ECE1: variants seen among roughly 807,000 people sequenced by gnomAD.
ECE1 encodes the protein endothelin-converting enzyme 1.
A neutral mutation model predicts 98.6 loss-of-function variants in ECE1; 35 were observed. The ratio of observed to expected loss-of-function variants is 0.35; its 90% confidence interval spans 0.27 to 0.47. ECE1 has a LOEUF of 0.47. ECE1 is among the 20% of genes least tolerant of loss of function. The pLI is 1.00. For synonymous variants in ECE1, 394 were observed against 407.1 expected (o/e 0.97, Z 0.39); for missense variants, 814 against 1,025.3 (o/e 0.79, Z 2.81).
Position 21,345,239 on chromosome 1 carries a change from C to A in ECE1, c.3+137G>T. 1 of 1,128,652 alleles carries A rather than the reference C, an allele frequency of 8.9e-7. No individual in the cohort carries two copies. 69.9% of individuals were successfully genotyped at this position (1,128,652 alleles called of 1,614,324 possible). A position where few individuals can be genotyped will look rare whatever the true frequency, so the allele number is the denominator to read the frequency against. On this transcript the variant is annotated intron_variant, in intron 1 of 18. Coordinates refer to the ECE1 transcript ENST00000415912. The surrounding 1 kb of genome is among the most constrained non-coding windows in gnomAD (Gnocchi z 5.1). ...TCCCCGACTCCACGCCTTCCGAGAG[C>A]CGGGCGGGGGCTGCTGCTGCAGCCG...
At chr1:21,338,811 G>T (rs1033545511) in intron 1 of ECE1, among the ~76,000 whole-genome samples, 22 of 152,234 alleles carry the variant, frequency 1.4e-4, no homozygotes, top group African/African-American at 5.3e-4. Context: ...AGGGAGTCAG[G>T]CAGGGAGGTG....
chr1:21,279,494 A>G, intron 2 of ECE1, 162 bp from the exon 3 acceptor site: 1 of 1,495,044 alleles, frequency 6.7e-7, no homozygotes, highest in Non-Finnish European at 9.0e-7. Context: ...CTAATCCAGG[A>G]AAGGAACAGC....
intron 17 of ECE1, chr1:21,222,172 A>G (rs1056252431): frequency 7.8e-6 from 3 of 386,222 alleles, no homozygotes; most frequent in South Asian, 4.5e-5. Context: ...GTGTGTGTGC[A>G]TGCACACACA....
At chr1:21,239,785 C>CA (rs1274634527) in intron 10 of ECE1, among the ~76,000 whole-genome samples, 1 of 142,756 alleles carries the variant, frequency 7.0e-6, no homozygotes, top group South Asian at 2.2e-4. Context: ...TTTTTTCTTT[C>CA]TTTTTTTTTT....
intron 1 of ECE1, among the ~76,000 whole-genome samples, chr1:21,301,770 G>C (rs954017170): frequency 6.9e-6 from 1 of 144,096 alleles, no homozygotes; most frequent in African/African-American, 2.6e-5. Flanking sequence ...AGGTTGCCGT[G>C]AGCCGAGATT....
intron 1 of ECE1, among the ~76,000 whole-genome samples, chr1:21,323,803 G>A (rs1367014706): frequency 6.7e-6 from 1 of 149,414 alleles, no homozygotes; most frequent in Non-Finnish European, 1.5e-5. Context: ...AATGGGAGAT[G>A]GGGGCAATTT....
chr1:21,230,371 T>C (rs1332527632), intron 14 of ECE1, among the ~76,000 whole-genome samples: 1 of 152,138 alleles, frequency 6.6e-6, no homozygotes, highest in Non-Finnish European at 1.5e-5. Context: ...AATTCCTATG[T>C]GAGGCAAGAA....
At position 21,290,140 on chromosome 1, in the gene ECE1, C is replaced by T; in HGVS notation, c.68G>A (p.Arg23Gln). ...LSALGMSTYK[R>Q]ATLDEEDLVD... is the part of the protein sequence containing the mutation. Reference sequence around the variant, plus strand: ...CAGGTCCTCCTCGTCCAGCGTGGCCCGCTTGTACGTCGACATCTGCAAGGC... The same window carrying T: ...CAGGTCCTCCTCGTCCAGCGTGGCCTGCTTGTACGTCGACATCTGCAAGGC... The change falls in exon 2 of 19, where the codon CGG (arginine) becomes CAG (glutamine). Residue 23 changes from arginine to glutamine, a missense_variant. By Grantham distance (43) the Arg-to-Gln change is conservative. This residue lies in a region of ECE1 where 257 missense variants were observed against 278.9 expected (regional missense o/e 0.92). Transcript: ENST00000374893. This position sits in a 1 kb window ranked among gnomAD's most constrained non-coding sequence, Gnocchi z 7.3. 1 of 1,562,828 alleles carries T rather than the reference C, an allele frequency of 6.4e-7. No homozygotes were observed. Among genetic ancestry groups the T allele is most frequent in the South Asian group, 1.2e-5 (1 of 85,168 alleles).
intron 17 of ECE1, 65 bp from the exon 18 acceptor site, chr1:21,221,907 T>A (rs2098167944): frequency 2.1e-6 from 3 of 1,457,332 alleles, no homozygotes; most frequent in Non-Finnish European, 2.9e-6. Flanking sequence ...GGGACTGGTA[T>A]GGAGGTCTCA....
intron 1 of ECE1, among the ~76,000 whole-genome samples, chr1:21,344,585 A>G (rs1283408004): frequency 6.6e-6 from 1 of 151,488 alleles, no homozygotes. Context: ...CCCCCCCAGG[A>G]AGCCCAGCCT....
At chr1:21,286,409 C>T (rs2098260605) in intron 2 of ECE1, among the ~76,000 whole-genome samples, 1 of 152,158 alleles carries the variant, frequency 6.6e-6, no homozygotes. Flanking sequence ...AAATGCTTTC[C>T]CTCATACTGT....
intron 2 of ECE1, among the ~76,000 whole-genome samples, chr1:21,286,632 G>C (rs1232141776): frequency 6.6e-6 from 1 of 152,094 alleles, no homozygotes; most frequent in African/African-American, 2.4e-5. Context: ...CTAAAATATG[G>C]GATAAAGAAA....
chr1:21,245,188 C>T, intron 9 of ECE1, 85 bp from the exon 10 acceptor site: 1 of 1,253,786 alleles, frequency 8.0e-7, no homozygotes, highest in Non-Finnish European at 1.1e-6. Context: ...CTAGGGGGCT[C>T]TCAAACTTGG....
chr1:21,301,854 A>G (rs77719949), intron 1 of ECE1, among the ~76,000 whole-genome samples: 1 of 145,426 alleles, frequency 6.9e-6, no homozygotes, highest in Admixed American at 6.9e-5. Context: ...AAAAAAAAAA[A>G]GGCCAATTCA....
In ECE1 at chr1:21,233,127, A is replaced by C; in HGVS notation, c.1670+431T>G. On this transcript the variant is annotated intron_variant, in intron 14 of 18. Transcript: ENST00000374893. This position sits in a 1 kb window ranked among gnomAD's most constrained non-coding sequence, Gnocchi z 4.0. ...CCCACCATTCGTGGTAGTGAGGAAC[A>C]ATGGGAAAGCTGCTCTTGCTGGGGC... 5.4e-6 allele frequency: 1 copy of C among 185,380 alleles called. No homozygotes were observed. Among genetic ancestry groups the C allele is most frequent in the South Asian group, 1.1e-4 (1 of 9,188 alleles). 11.5% of individuals were successfully genotyped at this position (185,380 alleles called of 1,614,324 possible).
In ECE1 at chr1:21,290,410, CG is replaced by C; in HGVS notation, c.4del (p.Arg2GlyfsTer46). On this transcript the variant is annotated frameshift_variant, in exon 1 of 19. Coordinates refer to ENST00000374893, the MANE Select transcript of ECE1 (RefSeq NM_001397.3). LOFTEE classifies it high-confidence loss of function. The surrounding 1 kb of genome is among the most constrained non-coding windows in gnomAD (Gnocchi z 7.3). Reference protein sequence around the residue: MRGVWPPPVSAL... With the variant: MXGVWPPPVSAL... The stretch of plus-strand genomic sequence containing the variant: ...GGACACCGGGGGCGGCCACACGCCC[CG>C]CATGCTGTGCCCCAGACGCCTGGTC... 1 of 1,238,266 alleles carries C rather than the reference CG, an allele frequency of 8.1e-7. No individual in the cohort carries two copies. Among genetic ancestry groups the C allele is most frequent in the Non-Finnish European group, 1.0e-6 (1 of 992,940 alleles). The allele number at this position is 1,238,266 out of a possible 1,614,324, so 76.7% of individuals were successfully genotyped here. A position where few individuals can be genotyped will look rare whatever the true frequency, so the allele number is the denominator to read the frequency against.
In ECE1 at chr1:21,257,530, C is replaced by G; in HGVS notation, c.823G>C (p.Glu275Gln). Reference protein sequence around the residue: ...RDYYLNKTENEKVLTGYLNYM... With the variant: ...RDYYLNKTENQKVLTGYLNYM... The stretch of plus-strand genomic sequence containing the variant: ...GAGGGGAGAGGCACGCTTACCTTCT[C>G]GTTTTCAGTTTTGTTCAGGTAATAG... The change falls in exon 7 of 19, where the codon GAG becomes CAG. Residue 275 changes from glutamate (E) to glutamine (Q), a missense_variant. Glu to Gln is a conservative substitution (Grantham distance 29). Around this residue, in one of 3 missense-constraint regions of ECE1, gnomAD observed 105 missense variants for 179.1 expected, o/e 0.59. Coordinates refer to ENST00000374893, the MANE Select transcript of ECE1 (RefSeq NM_001397.3). 1.2e-6 allele frequency: 2 copies of G among 1,614,204 alleles called. No homozygotes were observed. The highest frequency in any genetic ancestry group is 1.7e-6 in the Non-Finnish European group (2 of 1,180,032).
Position 21,260,316 on chromosome 1 carries a change from C to T in ECE1, c.570G>A (p.Arg190=). The T allele has an allele frequency of 6.2e-7, 1 of 1,614,238 alleles. No homozygotes were observed. Among genetic ancestry groups the T allele is most frequent in the Non-Finnish European group, 8.5e-7 (1 of 1,180,048 alleles). ...VYYRACMNET[R]IEELRAKPLM... ...GAGGTTTGGCCCTGAGCTCCTCGAT[C>T]CTGGTCTCGTTCATGCACGCACGGT... is the stretch of plus-strand genomic sequence containing the variant. Residue 190 remains arginine (R), a synonymous_variant, in exon 5 of 19, where the codon AGG becomes AGA. Coordinates refer to ENST00000374893, the MANE Select transcript of ECE1 (RefSeq NM_001397.3). The surrounding 1 kb of genome is among the most constrained non-coding windows in gnomAD (Gnocchi z 4.3).
chr1:21,243,902 G>A (rs1215718404), intron 10 of ECE1, among the ~76,000 whole-genome samples: 1 of 152,254 alleles, frequency 6.6e-6, no homozygotes, highest in Non-Finnish European at 1.5e-5. Context: ...TTAGAAATGG[G>A]GCTTGTTCCC....
Sources: gnomAD v4.1 joint callset for allele counts (sites outside exome capture counted in the v4.1 genomes callset) on GRCh38, gnomAD v4.1.1 for gene constraint, gnomAD v4.1.1 regional missense constraint, Gnocchi (gnomAD v3.1) non-coding constraint, MANE v1.5 for transcripts, NCBI Gene and HGNC (gene_info 2026-07-23, HGNC 2026-07-21) for gene names.